Variants in SLC27A5 observed in about 807,000 individuals in gnomAD.
SLC27A5 encodes the protein solute carrier family 27 member 5, also known as long-chain fatty acid transport protein 5.
Under a neutral mutation model 63.1 loss-of-function variants are expected in SLC27A5, and 47 were observed. The observed-to-expected ratio is 0.74, with a 90% confidence interval of 0.59 to 0.95. SLC27A5 has a LOEUF of 0.95. Ranked by LOEUF, SLC27A5 falls within the 40% of genes least tolerant of loss-of-function variation. The probability of loss-of-function intolerance (pLI) is 0.00; values close to 1 mark genes in which losing one functional copy is unlikely to be tolerated. For missense variants in SLC27A5, 940 were observed against 921.0 expected, an observed-to-expected ratio of 1.02 and a Z score of -0.27; for synonymous variants, 391 against 403.8, an observed-to-expected ratio of 0.97 and a Z score of 0.38.
intron 1 of SLC27A5, 167 bp from the exon 2 acceptor site, chr19:58,511,097 A>C (rs1279772196): frequency 8.5e-6 from 8 of 942,182 alleles, no homozygotes; most frequent in Non-Finnish European, 1.2e-5. Context: ...ATTGTGGGAA[A>C]ATTAAACTCT....
In SLC27A5 at chr19:58,498,499, T is replaced by C. The variant is rs1454829144; in HGVS notation, c.*16A>G. On this transcript the variant is annotated 3_prime_UTR_variant, in exon 10 of 10. Transcript: ENST00000263093. ...TGGCTGGCTTTGATCCCTACCCCAGTGGGTTGGCCAGGTGATCAGAGCCTC... is the reference window on the plus strand; with the variant it reads ...TGGCTGGCTTTGATCCCTACCCCAGCGGGTTGGCCAGGTGATCAGAGCCTC... 6.2e-7 allele frequency: 1 copy of C among 1,600,052 alleles called. No homozygotes were observed. The highest frequency in any genetic ancestry group is 1.1e-5 in the South Asian group (1 of 89,760).
chr19:58,498,792 C>T lies in SLC27A5; in HGVS notation c.1889G>A (p.Arg630His). Residue 630 changes from arginine (R) to histidine (H), a missense_variant, in exon 9 of 10, where the codon CGC (arginine) becomes CAC (histidine). Arg to His is a conservative substitution (Grantham distance 29). Transcript: ENST00000263093. ...LPAYATPHFI[R>H]IQDAMEVTST... ...AGGCCACCCTGGGCTCACCTGGATG[C>T]GGATGAAATGGGGGGTAGCGTAGGC... is the stretch of plus-strand genomic sequence containing the variant. 6.2e-7 allele frequency: 1 copy of T among 1,613,800 alleles called. No homozygotes were observed. The highest frequency in any genetic ancestry group is 8.5e-7 in the Non-Finnish European group (1 of 1,179,874).
At chr19:58,502,940 GT>G (rs1568629221) in intron 3 of SLC27A5, among the ~76,000 whole-genome samples, 4 of 151,738 alleles carry the variant, frequency 2.6e-5, no homozygotes, top group Non-Finnish European at 4.4e-5. Context: ...GGTGAGGATC[GT>G]CACGCCTGTA....
intron 8 of SLC27A5, 45 bp from the exon 9 acceptor site, chr19:58,498,960 C>T (rs1248298946): frequency 6.3e-7 from 1 of 1,596,300 alleles, no homozygotes; most frequent in Non-Finnish European, 8.5e-7. Flanking sequence ...TCTCGAGGGC[C>T]CATAGCTGAC....
intron 3 of SLC27A5, among the ~76,000 whole-genome samples, chr19:58,503,032 C>T (rs891235134): frequency 3.3e-5 from 5 of 151,872 alleles, no homozygotes; most frequent in Admixed American, 6.6e-5. Flanking sequence ...CGGTGAAACC[C>T]GTCTCTACTG....
At chr19:58,509,743 C>T in intron 3 of SLC27A5, 104 bp downstream of exon 3, 1 of 1,104,190 alleles carries the variant, frequency 9.1e-7, no homozygotes, top group South Asian at 1.7e-5. Flanking sequence ...AGTGAGAACA[C>T]AGGGTGCTGG....
chr19:58,499,732 C>T (rs1345050863), intron 6 of SLC27A5, 42 bp from the exon 7 acceptor site: 55 of 1,592,328 alleles, frequency 3.5e-5, no homozygotes, highest in Non-Finnish European at 4.3e-5. Flanking sequence ...AGCCCACCAG[C>T]CAAGCCCCCT....
At position 58,511,980 on chromosome 19, in the gene SLC27A5, G is replaced by A. The variant is rs751822073; in HGVS notation, c.-25C>T. On this transcript the variant is annotated 5_prime_UTR_variant, in exon 1 of 10. Transcript: ENST00000263093. ...TGGTACCAGCTCCTCCCTAGGAGCA[G>A]CAGCTGTGGAGTGTTCAGGCTCACC... 1.1e-5 allele frequency: 16 copies of A among 1,516,834 alleles called. No homozygotes were observed. Among genetic ancestry groups the A allele is most frequent in the Middle Eastern group, 3.7e-4 (2 of 5,446 alleles). The allele number at this position is 1,516,834 out of a possible 1,614,324, so 94.0% of individuals were successfully genotyped here. A position where few individuals can be genotyped will look rare whatever the true frequency, so the allele number is the denominator to read the frequency against.
intron 3 of SLC27A5, chr19:58,509,430 G>C (rs1286401800): frequency 6.4e-6 from 1 of 155,300 alleles, no homozygotes; most frequent in Admixed American, 6.5e-5. Context: ...AAAAAAGAGA[G>C]AAAACAAAAA....
At chr19:58,506,641 T>C (rs1022711898) in intron 3 of SLC27A5, among the ~76,000 whole-genome samples, 1 of 149,670 alleles carries the variant, frequency 6.7e-6, no homozygotes, top group Admixed American at 6.7e-5. Flanking sequence ...GTCATCAAAC[T>C]ATTTTCACTT....
In SLC27A5 at chr19:58,498,810, G is replaced by A; in HGVS notation, c.1871C>T (p.Ala624Val). 2 of 1,614,030 alleles carry A rather than the reference G, an allele frequency of 1.2e-6. No individual in the cohort carries two copies. The highest frequency in any genetic ancestry group is 2.2e-5 in the East Asian group (1 of 44,868). Residue 624 changes from alanine (A) to valine (V), a missense_variant, in exon 9 of 10, where the codon GCT (alanine) becomes GTT (valine). Transcript: ENST00000263093. ...QHVRAWLPAY[A>V]TPHFIRIQDA... ...CTGGATGCGGATGAAATGGGGGGTA[G>A]CGTAGGCAGGGAGCCAAGCGCGAAC...
chr19:58,507,202 C>G (rs2122516906), intron 3 of SLC27A5, among the ~76,000 whole-genome samples: 1 of 152,030 alleles, frequency 6.6e-6, no homozygotes, highest in Non-Finnish European at 1.5e-5. Flanking sequence ...ACTAAAAATT[C>G]AAAAATTAGC....
chr19:58,498,751 C>T lies in SLC27A5; in HGVS notation c.1896+34G>A. On this transcript the variant is annotated intron_variant, in intron 9 of 9. Coordinates refer to ENST00000263093, the MANE Select transcript of SLC27A5 (RefSeq NM_012254.3). ...CATCCACCCGCCCCCTGGCTATGATCTTCCACCCACCCACCAGGCCACCCT... is the reference window on the plus strand; with the variant it reads ...CATCCACCCGCCCCCTGGCTATGATTTTCCACCCACCCACCAGGCCACCCT... 4 of 1,611,304 alleles carry T rather than the reference C, an allele frequency of 2.5e-6. No homozygotes were observed. In the South Asian group the frequency reaches 3.3e-5, roughly 13 times the overall value.
intron 3 of SLC27A5, among the ~76,000 whole-genome samples, chr19:58,506,574 G>A (rs1249692335): frequency 6.6e-6 from 1 of 150,524 alleles, no homozygotes; most frequent in Non-Finnish European, 1.5e-5. Flanking sequence ...AAGTATATGC[G>A]AAATTAAACT....
At chr19:58,504,573 T>TGGGGGGG (rs57027973) in intron 3 of SLC27A5, among the ~76,000 whole-genome samples, 13 of 62,072 alleles carry the variant, frequency 2.1e-4, no homozygotes, top group Admixed American at 4.4e-4. Context: ...GATTGAACCC[T>TGGGGGGG]GGGGGGGGGG....
Position 58,509,910 on chromosome 19 carries a change from T to C in SLC27A5, c.994A>G (p.Thr332Ala), listed in dbSNP as rs775443431. The change falls in exon 3 of 10, where the codon ACG (threonine) becomes GCG (alanine). Residue 332 changes from threonine to alanine, a missense_variant. Thr to Ala is a moderately conservative substitution (Grantham distance 58). Transcript: ENST00000263093. ...SGATADDVVYTVLPLYHVMGL... is the reference protein window; with the variant it reads ...SGATADDVVYAVLPLYHVMGL... ...ATCACGTGGTACAGAGGCAGGACCG[T>C]GTAAACCACATCATCAGCTGTGGCC... The C allele has an allele frequency of 1.9e-6, 3 of 1,613,918 alleles. No individual in the cohort carries two copies. Among genetic ancestry groups the C allele is most frequent in the East Asian group, 2.2e-5 (1 of 44,884 alleles).
At position 58,511,733 on chromosome 19, in the gene SLC27A5, G is replaced by T; in HGVS notation, c.223C>A (p.Leu75Ile). 1 of 1,554,230 alleles carries T rather than the reference G, an allele frequency of 6.4e-7. No individual in the cohort carries two copies. Among genetic ancestry groups the T allele is most frequent in the East Asian group, 2.4e-5 (1 of 41,630 alleles). The change falls in exon 1 of 10, where the codon CTC becomes ATC. Residue 75 changes from leucine to isoleucine, a missense_variant. Transcript: ENST00000263093. Reference protein sequence around the residue: ...SLAAAALALTLLPARLPPGLR... With the variant: ...SLAAAALALTILPARLPPGLR... ...CCTGGGGGCAGCCGTGCTGGCAGGAGGGTTAGTGCCAGGGCCGCAGCTGCC... is the reference window on the plus strand; with the variant it reads ...CCTGGGGGCAGCCGTGCTGGCAGGATGGTTAGTGCCAGGGCCGCAGCTGCC...
intron 3 of SLC27A5, among the ~76,000 whole-genome samples, chr19:58,503,934 G>A (rs150160731): frequency 0.019 from 2,828 of 152,186 alleles, 79 homozygotes; most frequent in African/African-American, 0.064. Context: ...CCAACAGGGC[G>A]AAACCCTGTC....
In SLC27A5 at chr19:58,498,491, T is replaced by C. The variant is rs370230051; in HGVS notation, c.*24A>G. 2.0e-5 allele frequency: 32 copies of C among 1,593,806 alleles called. No homozygotes were observed. Among genetic ancestry groups the C allele is most frequent in the African/African-American group, 2.7e-5 (2 of 74,624 alleles). The stretch of plus-strand genomic sequence containing the variant: ...GGTGGGGGTGGCTGGCTTTGATCCC[T>C]ACCCCAGTGGGTTGGCCAGGTGATC... On this transcript the variant is annotated 3_prime_UTR_variant, in exon 10 of 10. Transcript: ENST00000263093.
Sources: allele counts gnomAD v4.1 joint callset (sites outside exome capture counted in the v4.1 genomes callset), GRCh38; gene constraint gnomAD v4.1.1; transcripts MANE v1.5; gene names NCBI Gene and HGNC (gene_info 2026-07-23, HGNC 2026-07-21).